The following RPGRIP1 variants were observed in gnomAD, a reference collection of about 807,000 sequenced individuals.
RPGRIP1 encodes the protein X-linked retinitis pigmentosa GTPase regulator-interacting protein 1.
RPGRIP1 carries 128 observed loss-of-function variants against 157.9 expected under a neutral mutation model. The ratio of observed to expected loss-of-function variants is 0.81; its 90% CI spans 0.70 to 0.94. RPGRIP1 has a LOEUF of 0.94. Among genes scored for constraint, RPGRIP1 ranks in the 40% least tolerant of loss-of-function variants. The probability of loss-of-function intolerance (pLI) is 0.00; values close to 1 mark genes in which losing one functional copy is unlikely to be tolerated. For synonymous variants in RPGRIP1, 554 were observed against 571.6 expected, an observed-to-expected ratio of 0.97 and a Z score of 0.44; for missense variants, 1,486 against 1,545.8, an observed-to-expected ratio of 0.96 and a Z score of 0.65.
At chr14:21,333,763 A>G (rs1482509844) in intron 20 of RPGRIP1, among the ~76,000 whole-genome samples, 2 of 152,130 alleles carry the variant, frequency 1.3e-5, no homozygotes, top group Non-Finnish European at 2.9e-5. Flanking sequence ...TAGAAGTCAC[A>G]TAGCATCACT....
intron 3 of RPGRIP1, among the ~76,000 whole-genome samples, chr14:21,300,387 T>G (rs2139155362): frequency 6.6e-6 from 1 of 151,622 alleles, no homozygotes; most frequent in South Asian, 2.1e-4. Flanking sequence ...ATAAGAATTT[T>G]GAGTGGGGAC....
At chr14:21,346,063 A>G (rs1302980290) in intron 23 of RPGRIP1, among the ~76,000 whole-genome samples, 1 of 151,900 alleles carries the variant, frequency 6.6e-6, no homozygotes, top group African/African-American at 2.4e-5. Flanking sequence ...CTTCTGCCTC[A>G]GACTCCCAAA....
intron 17 of RPGRIP1, 23 bp from the exon 18 acceptor site, chr14:21,327,600 A>G: frequency 6.2e-7 from 1 of 1,608,396 alleles, no homozygotes. Flanking sequence ...ATCAGGTCTT[A>G]TTAATATCTG....
At chr14:21,349,827 A>G (rs367830491) in intron 24 of RPGRIP1, among the ~76,000 whole-genome samples, 1 of 152,212 alleles carries the variant, frequency 6.6e-6, no homozygotes, top group African/African-American at 2.4e-5. Context: ...TTTGCTATAG[A>G]TCAGCATGTT....
In RPGRIP1 at chr14:21,351,134, T is replaced by A. The variant is rs752222755; in HGVS notation, c.3779T>A (p.Ile1260Lys). 1 of 1,612,412 alleles carries A rather than the reference T, an allele frequency of 6.2e-7. No homozygotes were observed. The highest frequency in any genetic ancestry group is 2.2e-5 in the East Asian group (1 of 44,844). The change falls in exon 25 of 25, where the codon ATA (isoleucine) becomes AAA (lysine). Residue 1260 changes from isoleucine (I) to lysine (K), a missense_variant. By Grantham distance (102) the Ile-to-Lys change is moderately radical (BLOSUM62 -3). Transcript: ENST00000400017. ...AGCCCTGAAGATCTGGCTACCCCAATAGGAAGGCTGAAGGTTTCCCTTCAA... is the reference window on the plus strand; with the variant it reads ...AGCCCTGAAGATCTGGCTACCCCAAAAGGAAGGCTGAAGGTTTCCCTTCAA... ...IVSPEDLATP[I>K]GRLKVSLQAA... is the part of the protein sequence containing the mutation.
chr14:21,303,407 A>T lies in RPGRIP1; in HGVS notation c.664A>T (p.Asn222Tyr). Residue 222 changes from asparagine (N) to tyrosine (Y), a missense_variant, in exon 6 of 25, where the codon AAC (asparagine) becomes TAC (tyrosine). Physicochemically the swap from Asn to Tyr is moderately radical, Grantham distance 143. Coordinates refer to ENST00000400017, the MANE Select transcript of RPGRIP1 (RefSeq NM_020366.4). ...TAAACCCATTGGTCTATGCATGCCTAACAGTGCCCACATCATGGCCAGCAA... is the reference window on the plus strand; with the variant it reads ...TAAACCCATTGGTCTATGCATGCCTTACAGTGCCCACATCATGGCCAGCAA... ...MAKPIGLCMP[N>Y]SAHIMASNTM... 6.2e-7 allele frequency: 1 copy of T among 1,613,858 alleles called. No individual in the cohort carries two copies. The highest frequency in any genetic ancestry group is 8.5e-7 in the Non-Finnish European group (1 of 1,179,816).
rs1835195224 is a variant in RPGRIP1 at position 21,343,080 on chromosome 14, C to T, written c.3384C>T (p.Tyr1128=). The T allele has an allele frequency of 6.2e-7, 1 of 1,613,200 alleles. No individual in the cohort carries two copies. Among genetic ancestry groups the T allele is most frequent in the African/African-American group, 1.3e-5 (1 of 74,886 alleles). The change falls in exon 22 of 25, where the codon TAC becomes TAT. Residue 1128 remains tyrosine (Y), a synonymous_variant. Coordinates refer to ENST00000400017, the MANE Select transcript of RPGRIP1 (RefSeq NM_020366.4). The part of the protein sequence containing the change: ...MCIEIVSLAF[Y]PEAEVMSDEN... ...TTGAAATTGTCTCCCTGGCCTTCTA[C>T]CCAGAGGCAGAAGTGATGTCTGATG... is the stretch of plus-strand genomic sequence containing the variant.
chr14:21,292,184 G>A lies in RPGRIP1; in HGVS notation c.86-2493G>A, dbSNP rs568915984. Among the ~76,000 whole-genome samples the A allele has an allele frequency of 7.2e-5, 11 of 152,282 alleles. 1 individual carries two copies. The South Asian group carries it at 1.4e-3, about 20-fold the overall frequency. ...TGATATCACAGGCATGAGCCACCGC[G>A]TCTGGCCTAAATATTTGTCATATAT... On this transcript the variant is annotated intron_variant, in intron 2 of 24. Coordinates refer to ENST00000400017, the MANE Select transcript of RPGRIP1 (RefSeq NM_020366.4).
At position 21,324,853 on chromosome 14, in the gene RPGRIP1, C is replaced by T. The variant is rs1302763056; in HGVS notation, c.1998C>T (p.Thr666=). The T allele has an allele frequency of 6.2e-7, 1 of 1,613,952 alleles. No homozygotes were observed. The highest frequency in any genetic ancestry group is 1.7e-5 in the Admixed American group (1 of 60,018). ...YSFYDFETHC[T]PLSVGPQPLY... Reference sequence around the variant, plus strand: ...TCTATGACTTTGAAACCCACTGTACCCCATTATCTGTGGGGCCACAGCCCC... The same window carrying T: ...TCTATGACTTTGAAACCCACTGTACTCCATTATCTGTGGGGCCACAGCCCC... The change falls in exon 15 of 25, where the codon ACC becomes ACT. Residue 666 remains threonine (T), a synonymous_variant. Coordinates refer to ENST00000400017, the MANE Select transcript of RPGRIP1 (RefSeq NM_020366.4).
rs776405971 is a variant in RPGRIP1, at chr14:21,309,833, T to TA, written c.907-751_907-750insA. On this transcript the variant is annotated intron_variant, in intron 7 of 24. Coordinates refer to ENST00000400017, the MANE Select transcript of RPGRIP1 (RefSeq NM_020366.4). ...CTTTTTTAAAAAATAAAAAATAAAT[T>TA]TAAAAAAAAAGTTTGGGAGGCTGAG... is the stretch of plus-strand genomic sequence containing the variant. Among the ~76,000 whole-genome samples, 360 of 106,186 alleles carry TA rather than the reference T, an allele frequency of 3.4e-3. 1 individual carries two copies. The highest frequency in any genetic ancestry group is 0.012 in the South Asian group (35 of 2,894). 69.7% of individuals were successfully genotyped at this position (106,186 alleles called of 152,430 possible). A position where few individuals can be genotyped will look rare whatever the true frequency, so the allele number is the denominator to read the frequency against.
In RPGRIP1 at chr14:21,310,619, G is replaced by T. The variant is rs373627836; in HGVS notation, c.930+12G>T. 13 of 1,446,510 alleles carry T rather than the reference G, an allele frequency of 9.0e-6. No individual in the cohort carries two copies. The African/African-American group carries it at 1.9e-4, about 21-fold the overall frequency. The allele number at this position is 1,446,510 out of a possible 1,614,324, so 89.6% of individuals were successfully genotyped here. On this transcript the variant is annotated intron_variant, in intron 8 of 24. Transcript: ENST00000400017. ...CCTTGCTCCAGAAGGTACTTAATGAGAATTGAGTCTCTGTTTCTTAGTAAC... is the reference window on the plus strand; with the variant it reads ...CCTTGCTCCAGAAGGTACTTAATGATAATTGAGTCTCTGTTTCTTAGTAAC...
intron 21 of RPGRIP1, 75 bp from the exon 22 acceptor site, chr14:21,342,961 G>T: frequency 9.9e-7 from 1 of 1,007,660 alleles, no homozygotes; most frequent in Non-Finnish European, 1.5e-6. Context: ...GTACCGTAAT[G>T]GGTTAATTGG....
Position 21,294,815 on chromosome 14 carries a change from T to TA in RPGRIP1, c.218+7dup, listed in dbSNP as rs1319812899. The TA allele has an allele frequency of 3.4e-6, 5 of 1,488,184 alleles. No homozygotes were observed. The highest frequency in any genetic ancestry group is 3.6e-6 in the Non-Finnish European group (4 of 1,111,696). 92.2% of individuals were successfully genotyped at this position (1,488,184 alleles called of 1,614,324 possible). A position where few individuals can be genotyped will look rare whatever the true frequency, so the allele number is the denominator to read the frequency against. On this transcript the variant is annotated splice_region_variant and intron_variant, in intron 3 of 24. Transcript: ENST00000400017. ...CAACAGGATGAGATCAAAAGGTACTTAGAGTTCTCCTTAAATTTTTTTTTT... is the reference window on the plus strand; with the variant it reads ...CAACAGGATGAGATCAAAAGGTACTTAAGAGTTCTCCTTAAATTTTTTTTTT...
intron 3 of RPGRIP1, among the ~76,000 whole-genome samples, chr14:21,298,622 A>G (rs1023321441): frequency 6.6e-6 from 1 of 151,002 alleles, no homozygotes; most frequent in South Asian, 2.1e-4. Context: ...TGTAACCCCC[A>G]GGAGTGATTA....
chr14:21,313,806 C>T (rs1881645640), intron 10 of RPGRIP1, among the ~76,000 whole-genome samples: 1 of 149,308 alleles, frequency 6.7e-6, no homozygotes, highest in Non-Finnish European at 1.5e-5. Context: ...AAAAAAGATA[C>T]ATTGTAAAAA....
chr14:21,303,300 A>G (rs758002652), intron 5 of RPGRIP1, 31 bp from the exon 6 acceptor site: 4 of 1,529,296 alleles, frequency 2.6e-6, no homozygotes, highest in Non-Finnish European at 3.6e-6. Context: ...CTCCTGTAAC[A>G]ACAGTTTCTA....
chr14:21,297,337 C>T (rs7158233), intron 3 of RPGRIP1, among the ~76,000 whole-genome samples: 43,492 of 152,010 alleles, frequency 0.29, 6,436 homozygotes, highest in South Asian at 0.31. Flanking sequence ...TCAAGTGATC[C>T]GCCTGCCTCG....
chr14:21,349,935 T>C (rs574907651), intron 24 of RPGRIP1, among the ~76,000 whole-genome samples: 3 of 152,224 alleles, frequency 2.0e-5, no homozygotes, highest in Non-Finnish European at 4.4e-5. Context: ...ACCTATCTTA[T>C]CTGCTAGGAC....
chr14:21,344,109 A>G (rs912176427), intron 22 of RPGRIP1, among the ~76,000 whole-genome samples: 1 of 151,336 alleles, frequency 6.6e-6, no homozygotes, highest in African/African-American at 2.4e-5. Context: ...CTTTTGCACT[A>G]CACTCATGTC....
Sources: gnomAD v4.1 joint callset for allele counts (sites outside exome capture counted in the v4.1 genomes callset) on GRCh38, gnomAD v4.1.1 for gene constraint, MANE v1.5 for transcripts, NCBI Gene and HGNC (gene_info 2026-07-23, HGNC 2026-07-21) for gene names.